Variants in ATR observed in about 807,000 individuals in gnomAD.
ATR encodes the protein serine/threonine-protein kinase ATR.
In ATR, 142 loss-of-function variants were observed where a neutral mutation model predicts 305.3. The observed-to-expected ratio is 0.47, with a 90% CI of 0.41 to 0.53. The LOEUF is 0.53. Ranked by LOEUF, ATR falls within the 20% of genes least tolerant of loss-of-function variation. The pLI is 0.00. For synonymous variants in ATR, 1,050 were observed against 1,068.1 expected, an observed-to-expected ratio of 0.98 and a Z score of 0.33; for missense variants, 2,135 against 3,133.1, an observed-to-expected ratio of 0.68 and a Z score of 7.60.
intron 33 of ATR, 35 bp downstream of exon 33, chr3:142,496,978 T>C: frequency 6.3e-7 from 1 of 1,586,444 alleles, no homozygotes; most frequent in Non-Finnish European, 8.6e-7. Flanking sequence ...AAATTCAAGA[T>C]AAGTGACATT....
intron 36 of ATR, among the ~76,000 whole-genome samples, chr3:142,479,452 G>T (rs910458401): frequency 6.6e-6 from 1 of 152,194 alleles, no homozygotes; most frequent in African/African-American, 2.4e-5. Context: ...TCTGCCGAGA[G>T]ATCAGCTGTT....
In ATR at chr3:142,462,562, G is replaced by A. The variant is rs186848866; in HGVS notation, c.7042-472C>T. ...CGGCTCACTGCAAACTCTGCCTCTCGGGTTCTTGCCATTCTCCTGCCTCAG... is the reference window on the plus strand; with the variant it reads ...CGGCTCACTGCAAACTCTGCCTCTCAGGTTCTTGCCATTCTCCTGCCTCAG... On this transcript the variant is annotated intron_variant, in intron 41 of 46. Coordinates refer to ENST00000350721, the MANE Select transcript of ATR (RefSeq NM_001184.4). Among the ~76,000 whole-genome samples the A allele has an allele frequency of 3.8e-3, 576 of 151,652 alleles. 10 individuals carry two copies. Among genetic ancestry groups the A allele is most frequent in the African/African-American group, 0.014 (562 of 41,278 alleles).
chr3:142,459,187 C>T (rs2108261054), intron 43 of ATR, 40 bp downstream of exon 43: 1 of 1,612,994 alleles, frequency 6.2e-7, no homozygotes, highest in Non-Finnish European at 8.5e-7. Context: ...TAAAAATAAA[C>T]ATTCAACCAT....
chr3:142,466,175 A>G (rs575292353), intron 40 of ATR, 149 bp downstream of exon 40: 2 of 909,512 alleles, frequency 2.2e-6, no homozygotes, highest in Non-Finnish European at 3.3e-6. Flanking sequence ...CATCAGTACA[A>G]ATGAGTTTAG....
rs1258388197 is a variant in ATR, at chr3:142,466,490, T to C, written c.6731A>G (p.Lys2244Arg). The C allele has an allele frequency of 6.2e-7, 1 of 1,613,818 alleles. No homozygotes were observed. Among genetic ancestry groups the C allele is most frequent in the Non-Finnish European group, 8.5e-7 (1 of 1,179,896 alleles). The change falls in exon 40 of 47, where the codon AAA becomes AGA. Residue 2244 changes from lysine (K) to arginine (R), a missense_variant. Coordinates refer to ENST00000350721, the MANE Select transcript of ATR (RefSeq NM_001184.4). Reference protein sequence around the residue: ...SSTLSMSTHFKMLKKLVEEAT... With the variant: ...SSTLSMSTHFRMLKKLVEEAT... ...TTCTTCTACCAGCTTTTTAAGCATT[T>C]TAAAATGAGTGCTCATGCTTAATGT...
intron 23 of ATR, among the ~76,000 whole-genome samples, chr3:142,521,871 AAGGATTT>A (rs549415859): frequency 6.6e-4 from 101 of 152,320 alleles, no homozygotes; most frequent in South Asian, 4.1e-3. Flanking sequence ...GGTGACAACG[AAGGATTT>A]AGAACATTAC....
intron 36 of ATR, among the ~76,000 whole-genome samples, chr3:142,474,424 T>C (rs1178196146): frequency 3.3e-5 from 5 of 152,176 alleles, no homozygotes; most frequent in East Asian, 1.9e-4. Flanking sequence ...CAATGTTTTA[T>C]AGTTTTCATT....
rs370244617 is a variant in ATR at position 142,469,513 on chromosome 3, T to C, written c.6376A>G (p.Ile2126Val). The stretch of plus-strand genomic sequence containing the variant: ...GCTAAATAGTTTGTATGCTCTGTGA[T>C]AACCTTGTTTATTTTACCCAAATCA... ...RNDLGKINKVITEHTNYLAPY... is the reference protein window; with the variant it reads ...RNDLGKINKVVTEHTNYLAPY... The change falls in exon 38 of 47, where the codon ATC (isoleucine) becomes GTC (valine). Residue 2126 changes from isoleucine to valine, a missense_variant. Physicochemically the swap from Ile to Val is conservative, Grantham distance 29. Transcript: ENST00000350721. The C allele has an allele frequency of 1.3e-5, 21 of 1,613,986 alleles. No homozygotes were observed. The highest frequency in any genetic ancestry group is 1.7e-5 in the Non-Finnish European group (20 of 1,179,922).
In ATR at chr3:142,524,212, T is replaced by A; in HGVS notation, c.3946-13A>T. On this transcript the variant is annotated splice_polypyrimidine_tract_variant and intron_variant, in intron 21 of 46. Transcript: ENST00000350721. Reference sequence around the variant, plus strand: ...TTATCAGTTTTTCCTAAAATAAAAGTAGAAAGAAAATTTATACGTAATTTC... The same window carrying A: ...TTATCAGTTTTTCCTAAAATAAAAGAAGAAAGAAAATTTATACGTAATTTC... The A allele has an allele frequency of 1.3e-6, 2 of 1,596,866 alleles. No individual in the cohort carries two copies. The highest frequency in any genetic ancestry group is 1.7e-6 in the Non-Finnish European group (2 of 1,165,282).
intron 24 of ATR, among the ~76,000 whole-genome samples, chr3:142,515,942 C>G (rs2032843180): frequency 6.6e-6 from 1 of 152,176 alleles, no homozygotes; most frequent in Admixed American, 6.5e-5. Flanking sequence ...AGCTGGAGCA[C>G]TTAATCAAGC....
chr3:142,553,581 A>T (rs2108464033), intron 12 of ATR, 59 bp downstream of exon 12: 1 of 1,507,160 alleles, frequency 6.6e-7, no homozygotes, highest in South Asian at 1.2e-5. Flanking sequence ...ACAGCAAGCA[A>T]ATAAAAATGG....
chr3:142,560,180 T>G (rs531271595), intron 6 of ATR, 83 bp downstream of exon 6: 1 of 1,354,886 alleles, frequency 7.4e-7, no homozygotes, highest in African/African-American at 1.4e-5. Flanking sequence ...TAAGGTTACA[T>G]GAGTCAAGTG....
chr3:142,551,400 T>C (rs1436508043), intron 13 of ATR, among the ~76,000 whole-genome samples: 1 of 152,216 alleles, frequency 6.6e-6, no homozygotes, highest in Non-Finnish European at 1.5e-5. Context: ...CATGTCACTG[T>C]ATGCTGCCTG....
intron 28 of ATR, among the ~76,000 whole-genome samples, chr3:142,507,281 G>A (rs2032300645): frequency 6.6e-6 from 1 of 151,756 alleles, no homozygotes; most frequent in South Asian, 2.1e-4. Flanking sequence ...TCATAACATC[G>A]CCTAAATCAT....
intron 46 of ATR, chr3:142,450,786 G>T: frequency 6.9e-7 from 1 of 1,442,606 alleles, no homozygotes; most frequent in South Asian, 1.3e-5. Flanking sequence ...ACACTGCGTG[G>T]ACAGAACATG....
At chr3:142,562,173 T>A in intron 4 of ATR, 59 bp downstream of exon 4, 1 of 1,555,176 alleles carries the variant, frequency 6.4e-7, no homozygotes, top group African/African-American at 1.4e-5. Flanking sequence ...TGCACATATG[T>A]ATACAATTAA....
chr3:142,467,884 AT>A, intron 39 of ATR, 49 bp downstream of exon 39: 1 of 1,594,752 alleles, frequency 6.3e-7, no homozygotes, highest in Non-Finnish European at 8.6e-7. Flanking sequence ...CTCAAATTAT[AT>A]ACATAATTAC....
chr3:142,554,245 G>A (rs1177604921), intron 10 of ATR, among the ~76,000 whole-genome samples: 1 of 150,810 alleles, frequency 6.6e-6, no homozygotes, highest in East Asian at 1.9e-4. Flanking sequence ...TTTTGATATA[G>A]GGTCTTGCTC....
At chr3:142,552,315 A>C (rs2034501385) in intron 13 of ATR, among the ~76,000 whole-genome samples, 1 of 106,242 alleles carries the variant, frequency 9.4e-6, no homozygotes, top group Non-Finnish European at 1.9e-5. Context: ...TATAAAAAGG[A>C]ATATAAATCA....
Sources: gnomAD v4.1 joint callset for allele counts (sites outside exome capture counted in the v4.1 genomes callset) on GRCh38, gnomAD v4.1.1 for gene constraint, MANE v1.5 for transcripts, NCBI Gene and HGNC (gene_info 2026-07-23, HGNC 2026-07-21) for gene names.